KCNIP4: variants seen among roughly 807,000 people sequenced by gnomAD.
The protein encoded by KCNIP4 is Kv channel-interacting protein 4.
Under a neutral mutation model 34.0 loss-of-function variants are expected in KCNIP4, and 12 were observed. The observed-to-expected ratio is 0.35, with a 90% CI of 0.23 to 0.57. KCNIP4 has a LOEUF of 0.57. Ranked by LOEUF, KCNIP4 falls within the 20% of genes least tolerant of loss-of-function variation. The pLI is 0.83. For synonymous variants in KCNIP4, 124 were observed against 102.2 expected (o/e 1.21, Z -1.29); for missense variants, 238 against 311.7 (o/e 0.76, Z 1.78).
intron 1 of KCNIP4, among the ~76,000 whole-genome samples, chr4:21,127,027 C>G (rs975187698): frequency 6.6e-6 from 1 of 152,202 alleles, no homozygotes; most frequent in African/African-American, 2.4e-5. Flanking sequence ...GTTCCTGCAA[C>G]TGGCCAAGTT....
intron 2 of KCNIP4, among the ~76,000 whole-genome samples, chr4:20,869,106 C>T (rs1023178513): frequency 6.6e-6 from 1 of 152,040 alleles, no homozygotes; most frequent in African/African-American, 2.4e-5. Flanking sequence ...GAATTGATTA[C>T]CTAGTGAGTT....
chr4:20,927,596 T>C (rs1730028028), intron 1 of KCNIP4, among the ~76,000 whole-genome samples: 1 of 152,220 alleles, frequency 6.6e-6, no homozygotes, highest in Admixed American at 6.5e-5. Flanking sequence ...GATTCAACAT[T>C]AATCCTTTCC....
chr4:21,448,013 A>T (rs1249599439), intron 1 of KCNIP4, among the ~76,000 whole-genome samples: 2 of 152,156 alleles, frequency 1.3e-5, no homozygotes, highest in Non-Finnish European at 2.9e-5. Flanking sequence ...TGGAACTGAG[A>T]AAAATGAATA....
intron 1 of KCNIP4, among the ~76,000 whole-genome samples, chr4:21,252,707 G>T (rs555842310): frequency 1.2e-3 from 174 of 151,062 alleles, no homozygotes; most frequent in African/African-American, 4.0e-3. Flanking sequence ...AGTCCAGGAG[G>T]TTGATGGTAC....
chr4:21,673,290 A>G (rs1749644449), intron 1 of KCNIP4, among the ~76,000 whole-genome samples: 1 of 152,204 alleles, frequency 6.6e-6, no homozygotes, highest in South Asian at 2.1e-4. Context: ...TATATACTCA[A>G]AATGACTCAA....
intron 1 of KCNIP4, among the ~76,000 whole-genome samples, chr4:20,951,849 A>T (rs1474166580): frequency 6.6e-6 from 1 of 152,218 alleles, no homozygotes; most frequent in Admixed American, 6.5e-5. Context: ...AAAACCATGT[A>T]TTCTAAAGGG....
chr4:21,374,058 G>GAGAAA (rs1720741212), intron 1 of KCNIP4, among the ~76,000 whole-genome samples: 1 of 147,304 alleles, frequency 6.8e-6, no homozygotes, highest in Non-Finnish European at 1.5e-5. Flanking sequence ...TTAGTAAAAT[G>GAGAAA]CCACCACAAA....
intron 1 of KCNIP4, among the ~76,000 whole-genome samples, chr4:21,686,307 C>T (rs907714302): frequency 2.3e-4 from 35 of 152,086 alleles, no homozygotes; most frequent in Non-Finnish European, 4.6e-4. Context: ...ATACTTTACT[C>T]AAAGCATGGT....
chr4:21,095,456 C>A lies in KCNIP4; in HGVS notation c.62-212747G>T, dbSNP rs977060140. Among the ~76,000 whole-genome samples, 35 of 152,176 alleles carry A rather than the reference C, an allele frequency of 2.3e-4. 1 individual carries two copies. The highest frequency in any genetic ancestry group is 8.4e-4 in the African/African-American group (35 of 41,430). On this transcript the variant is annotated intron_variant, in intron 1 of 8. Transcript: ENST00000382152. ...TCTCATTCTTATCAGTCACTCTAGG[C>A]ATGGATCTAATCTAAATTATTTTTA... is the stretch of plus-strand genomic sequence containing the variant.
intron 1 of KCNIP4, among the ~76,000 whole-genome samples, chr4:21,439,341 C>T (rs924119491): frequency 2.1e-4 from 32 of 152,128 alleles, no homozygotes; most frequent in Non-Finnish European, 3.1e-4. Context: ...AGTAAACGCC[C>T]TCCCAACTTC....
intron 1 of KCNIP4, among the ~76,000 whole-genome samples, chr4:21,015,574 A>T (rs894445347): frequency 8.8e-6 from 1 of 113,058 alleles, no homozygotes; most frequent in Non-Finnish European, 1.7e-5. Context: ...AGTATATTGT[A>T]TTAATATAAT....
At chr4:21,798,356 G>C (rs531571052) in intron 1 of KCNIP4, among the ~76,000 whole-genome samples, 2 of 148,276 alleles carry the variant, frequency 1.3e-5, no homozygotes, top group Non-Finnish European at 3.0e-5. Flanking sequence ...ATTCAAGACC[G>C]GCCTGGGCAA....
chr4:21,643,807 T>C (rs1373543700), intron 1 of KCNIP4, among the ~76,000 whole-genome samples: 9 of 151,894 alleles, frequency 5.9e-5, no homozygotes. Flanking sequence ...TCCATAATTA[T>C]GTGAGCCAAT....
chr4:21,112,959 C>T (rs1348553539), intron 1 of KCNIP4, among the ~76,000 whole-genome samples: 1 of 152,072 alleles, frequency 6.6e-6, no homozygotes, highest in Non-Finnish European at 1.5e-5. Flanking sequence ...ATTGTATTCG[C>T]TTTCTAGTTT....
At chr4:21,486,409 C>G (rs2109848274) in intron 1 of KCNIP4, among the ~76,000 whole-genome samples, 1 of 152,164 alleles carries the variant, frequency 6.6e-6, no homozygotes, top group Admixed American at 6.5e-5. Context: ...ATACCCTGAA[C>G]CTAGAAGATG....
intron 3 of KCNIP4, among the ~76,000 whole-genome samples, chr4:20,810,854 G>T (rs1263482882): frequency 6.6e-6 from 1 of 152,076 alleles, no homozygotes; most frequent in Non-Finnish European, 1.5e-5. Context: ...TGGAACTTTG[G>T]TCTGCTTTCC....
intron 1 of KCNIP4, among the ~76,000 whole-genome samples, chr4:20,934,572 T>G (rs559492849): frequency 6.6e-6 from 1 of 152,248 alleles, no homozygotes; most frequent in Admixed American, 6.5e-5. Flanking sequence ...GAGAGTTTTG[T>G]CATTGATTTG....
intron 1 of KCNIP4, among the ~76,000 whole-genome samples, chr4:21,473,278 C>T (rs1490635650): frequency 6.6e-6 from 1 of 152,158 alleles, no homozygotes; most frequent in Admixed American, 6.5e-5. Context: ...ATATATTTCT[C>T]AGTCAGGGAA....
intron 1 of KCNIP4, among the ~76,000 whole-genome samples, chr4:21,171,831 C>T (rs1235045145): frequency 1.3e-5 from 2 of 152,240 alleles, no homozygotes; most frequent in South Asian, 4.1e-4. Flanking sequence ...TGGTAGCTCT[C>T]AACAGCCTCC....
Sources: gnomAD v4.1 joint callset for allele counts (sites outside exome capture counted in the v4.1 genomes callset) on GRCh38, gnomAD v4.1.1 for gene constraint, MANE v1.5 for transcripts, NCBI Gene and HGNC (gene_info 2026-07-23, HGNC 2026-07-21) for gene names.